Variants in EIF2B3 observed in about 807,000 individuals in gnomAD.
The protein encoded by EIF2B3 is translation initiation factor eIF2B subunit gamma.
EIF2B3 carries 20 observed loss-of-function variants against 54.1 expected under a neutral mutation model. The observed-to-expected ratio is 0.37, with a 90% CI of 0.26 to 0.54. The LOEUF (loss-of-function observed/expected upper bound fraction) is 0.54. Ranked by LOEUF, EIF2B3 falls within the 20% of genes least tolerant of loss-of-function variation. The pLI is 0.86. For missense variants in EIF2B3, 448 were observed against 547.8 expected (o/e 0.82, Z 1.82); for synonymous variants, 153 against 188.1 (o/e 0.81, Z 1.52).
intron 3 of EIF2B3, among the ~76,000 whole-genome samples, chr1:44,962,630 G>A (rs1644297301): frequency 6.6e-6 from 1 of 152,050 alleles, no homozygotes; most frequent in Non-Finnish European, 1.5e-5. Context: ...GCCCAGGTTG[G>A]CCTCAAACTC....
At chr1:44,959,053 C>T (rs552266519) in intron 3 of EIF2B3, 23 of 749,036 alleles carry the variant, frequency 3.1e-5, no homozygotes, top group South Asian at 8.7e-5. Context: ...ACTTATGGAA[C>T]GCCATCTTCA....
intron 3 of EIF2B3, among the ~76,000 whole-genome samples, chr1:44,955,574 A>G (rs1385965526): frequency 6.6e-6 from 1 of 152,182 alleles, no homozygotes; most frequent in African/African-American, 2.4e-5. Context: ...CAGAGTGAAC[A>G]AGCAACCTAC....
chr1:44,862,589 T>C (rs571608271), intron 10 of EIF2B3, among the ~76,000 whole-genome samples: 1 of 152,194 alleles, frequency 6.6e-6, no homozygotes, highest in Non-Finnish European at 1.5e-5. Flanking sequence ...TAATGTCTAA[T>C]ACATCTCAGT....
chr1:44,939,947 G>T lies in EIF2B3; in HGVS notation c.454+1559C>A, dbSNP rs147744181. On this transcript the variant is annotated intron_variant, in intron 4 of 11. Coordinates refer to ENST00000360403, the MANE Select transcript of EIF2B3 (RefSeq NM_020365.5). Reference sequence around the variant, plus strand: ...CAGAAAAGAATGAATACAGGGAATTGTAAGTAAACCAGACCTTGCAAAAGC... The same window carrying T: ...CAGAAAAGAATGAATACAGGGAATTTTAAGTAAACCAGACCTTGCAAAAGC... Among the ~76,000 whole-genome samples, 601 of 152,226 alleles carry T rather than the reference G, an allele frequency of 3.9e-3. 3 individuals are homozygous for T. The highest frequency in any genetic ancestry group is 0.014 in the African/African-American group (569 of 41,538).
At chr1:44,876,312 C>T (rs894961225) in intron 8 of EIF2B3, among the ~76,000 whole-genome samples, 1 of 150,004 alleles carries the variant, frequency 6.7e-6, no homozygotes, top group African/African-American at 2.5e-5. Flanking sequence ...GCGTCTCTGC[C>T]CGGCCGCCCA....
chr1:44,976,538 T>C (rs983554490), intron 3 of EIF2B3, among the ~76,000 whole-genome samples: 3 of 152,234 alleles, frequency 2.0e-5, no homozygotes, highest in Admixed American at 6.5e-5. Flanking sequence ...AGAAAACTGC[T>C]AGTTTCCAAT....
chr1:44,863,525 C>G (rs942890470), intron 10 of EIF2B3, among the ~76,000 whole-genome samples: 1 of 152,142 alleles, frequency 6.6e-6, no homozygotes, highest in African/African-American at 2.4e-5. Flanking sequence ...TGAGCCACTG[C>G]ATCTGGCAAC....
chr1:44,920,231 T>A (rs1039269604), intron 5 of EIF2B3, among the ~76,000 whole-genome samples: 1 of 152,024 alleles, frequency 6.6e-6, no homozygotes, highest in Admixed American at 6.6e-5. Flanking sequence ...TTTCCTTTTT[T>A]AATTTAATTT....
chr1:44,910,621 C>A (rs935824617), intron 5 of EIF2B3, among the ~76,000 whole-genome samples: 9 of 148,918 alleles, frequency 6.0e-5, no homozygotes, highest in East Asian at 4.0e-4. Context: ...CCCCACCCCC[C>A]CAAGTAATGC....
At chr1:44,962,538 G>A (rs568669365) in intron 3 of EIF2B3, among the ~76,000 whole-genome samples, 4 of 152,260 alleles carry the variant, frequency 2.6e-5, no homozygotes, top group Admixed American at 6.5e-5. Flanking sequence ...AGCTTCCCAA[G>A]TAGCTGTGAC....
At chr1:44,873,663 C>A (rs1261514399) in intron 10 of EIF2B3, among the ~76,000 whole-genome samples, 1 of 151,212 alleles carries the variant, frequency 6.6e-6, no homozygotes, top group Non-Finnish European at 1.5e-5. Flanking sequence ...TTTTTTGAGA[C>A]AGAGTCTTGC....
At chr1:44,931,071 G>A (rs1402000698) in intron 4 of EIF2B3, among the ~76,000 whole-genome samples, 1 of 152,186 alleles carries the variant, frequency 6.6e-6, no homozygotes, top group Non-Finnish European at 1.5e-5. Flanking sequence ...CCAACAGAAC[G>A]TGGCAAAGGT....
intron 3 of EIF2B3, among the ~76,000 whole-genome samples, chr1:44,952,773 C>T (rs914577090): frequency 1.3e-5 from 2 of 151,352 alleles, no homozygotes; most frequent in African/African-American, 4.9e-5. Flanking sequence ...AGGATGGTCT[C>T]GATCTCCTTA....
chr1:44,981,054 G>C lies in EIF2B3; in HGVS notation c.115C>G (p.Pro39Ala), dbSNP rs1317663539. Residue 39 changes from proline to alanine, a missense_variant, in exon 2 of 12, where the codon CCA becomes GCA. Around this residue, in one of 3 missense-constraint regions of EIF2B3, gnomAD observed 95 missense variants for 115.7 expected, o/e 0.82. Coordinates refer to ENST00000360403, the MANE Select transcript of EIF2B3 (RefSeq NM_020365.5). ...CCAACACGCTCAAGCAGGTTCAATG[G>C]GTACCAAATTAAAGGTTTGTTCCCA... ...PVGNKPLIWY[P>A]LNLLERVGFE... The C allele has an allele frequency of 3.9e-5, 63 of 1,613,144 alleles. No homozygotes were observed. The highest frequency in any genetic ancestry group is 5.1e-5 in the Non-Finnish European group (60 of 1,179,956).
In EIF2B3 at chr1:44,956,153, G is replaced by C. The variant is rs150066911; in HGVS notation, c.295-14488C>G. On this transcript the variant is annotated intron_variant, in intron 3 of 11. Transcript: ENST00000360403. Reference sequence around the variant, plus strand: ...TGATAGGCTAGATAAAGAAAATGTGGCACTTATACACCATGGAATACTATG... The same window carrying C: ...TGATAGGCTAGATAAAGAAAATGTGCCACTTATACACCATGGAATACTATG... 3.2e-3 allele frequency among the ~76,000 whole-genome samples: 491 copies of C among 152,264 alleles called. 19 individuals carry two copies. The East Asian group carries it at 0.091, about 28-fold the overall frequency.
chr1:44,874,531 G>T, intron 10 of EIF2B3, 147 bp downstream of exon 10: 1 of 816,424 alleles, frequency 1.2e-6, no homozygotes, highest in African/African-American at 1.7e-5. Flanking sequence ...TGAGACTTTT[G>T]ATATCTGAAA....
chr1:44,910,631 CT>C (rs60757270), intron 5 of EIF2B3, among the ~76,000 whole-genome samples: 1,353 of 61,410 alleles, frequency 0.022, 12 homozygotes, highest in East Asian at 0.046. Context: ...CCAAGTAATG[CT>C]TTTTTTTTTT....
Position 44,874,675 on chromosome 1 carries a change from T to C in EIF2B3, c.1202+3A>G, listed in dbSNP as rs753612629. On this transcript the variant is annotated splice_donor_region_variant and intron_variant, in intron 10 of 11. Coordinates refer to ENST00000360403, the MANE Select transcript of EIF2B3 (RefSeq NM_020365.5). ...CCTCAAGTGGGTACAGGGGGAAACATACCCTTCCTCCACAGTGACTGAGTT... is the reference window on the plus strand; with the variant it reads ...CCTCAAGTGGGTACAGGGGGAAACACACCCTTCCTCCACAGTGACTGAGTT... The C allele has an allele frequency of 6.2e-7, 1 of 1,614,140 alleles. No homozygotes were observed. The highest frequency in any genetic ancestry group is 1.3e-5 in the African/African-American group (1 of 75,044).
chr1:44,909,880 G>T (rs1180433737), intron 5 of EIF2B3, among the ~76,000 whole-genome samples: 1 of 152,100 alleles, frequency 6.6e-6, no homozygotes, highest in East Asian at 1.9e-4. Flanking sequence ...ATAATCAAGG[G>T]TTTAAACCAT....
Sources: gnomAD v4.1 joint callset for allele counts (sites outside exome capture counted in the v4.1 genomes callset) on GRCh38, gnomAD v4.1.1 for gene constraint, gnomAD v4.1.1 regional missense constraint, MANE v1.5 for transcripts, NCBI Gene and HGNC (gene_info 2026-07-23, HGNC 2026-07-21) for gene names.